SNED1: variants seen among roughly 807,000 people sequenced by gnomAD.
The protein encoded by SNED1 is sushi, nidogen and EGF like domains 1.
A neutral mutation model predicts 166.7 loss-of-function variants in SNED1; 81 were observed. The ratio of observed to expected loss-of-function variants is 0.49; its 90% confidence interval spans 0.41 to 0.58. SNED1 has a LOEUF of 0.58. SNED1 is among the 20% of genes least tolerant of loss of function. SNED1 has a pLI of 0.00. For missense variants in SNED1, 1,604 were observed against 2,000.2 expected (o/e 0.80, Z 3.78); for synonymous variants, 762 against 822.0 (o/e 0.93, Z 1.25).
chr2:241,000,723 C>T lies in SNED1; in HGVS notation c.213+1673C>T, dbSNP rs117522413. Among the ~76,000 whole-genome samples, 673 of 152,342 alleles carry T rather than the reference C, an allele frequency of 4.4e-3. 20 individuals carry two copies. The highest frequency in any genetic ancestry group is 0.021 in the East Asian group (107 of 5,184). Reference sequence around the variant, plus strand: ...AGATCTGCTAGGAGAACTAGGGTTTCGTCAGAAATGAACCTTCTGGCTGCT... The same window carrying T: ...AGATCTGCTAGGAGAACTAGGGTTTTGTCAGAAATGAACCTTCTGGCTGCT... On this transcript the variant is annotated intron_variant, in intron 1 of 31. Coordinates refer to ENST00000310397, the MANE Select transcript of SNED1 (RefSeq NM_001080437.3).
At chr2:241,089,317 C>T (rs1217478395) in intron 31 of SNED1, 1 of 1,550,244 alleles carries the variant, frequency 6.5e-7, no homozygotes, top group African/African-American at 1.4e-5. Flanking sequence ...GAGTGAGGCA[C>T]CCTTGGGTAA....
At chr2:241,037,014 G>C in intron 5 of SNED1, 99 bp downstream of exon 5, 2 of 1,420,792 alleles carry the variant, frequency 1.4e-6, no homozygotes, top group Non-Finnish European at 1.9e-6. Flanking sequence ...CAGGGTCCCA[G>C]GTCAGGAGTC....
chr2:241,052,333 G>A, intron 14 of SNED1, 22 bp from the exon 15 acceptor site: 1 of 1,558,328 alleles, frequency 6.4e-7, no homozygotes, highest in Non-Finnish European at 8.7e-7. Flanking sequence ...ACAGTGGCCA[G>A]GACCTTCCTG....
chr2:241,051,859 C>T lies in SNED1; in HGVS notation c.1851C>T (p.Ile617=), dbSNP rs1369924520. The T allele has an allele frequency of 2.6e-6, 4 of 1,536,898 alleles. No individual in the cohort carries two copies. The highest frequency in any genetic ancestry group is 4.8e-5 in the East Asian group (2 of 41,458). The part of the protein sequence containing the change: ...PYRFTGRHCE[I]GKPDSCASGP... ...GCTTCACTGGGAGGCACTGTGAGATCGGTGCGGCCCCCAGGGGCAGGGGGG... is the reference window on the plus strand; with the variant it reads ...GCTTCACTGGGAGGCACTGTGAGATTGGTGCGGCCCCCAGGGGCAGGGGGG... The change falls in exon 13 of 32, where the codon ATC becomes ATT. Residue 617 remains isoleucine, a splice_region_variant and synonymous_variant. Transcript: ENST00000310397. The surrounding 1 kb of genome is among the most constrained non-coding windows in gnomAD (Gnocchi z 4.7).
At chr2:241,011,067 A>AGGTCTCCTG (rs1303248639) in intron 1 of SNED1, among the ~76,000 whole-genome samples, 4 of 150,160 alleles carry the variant, frequency 2.7e-5, no homozygotes, top group Admixed American at 6.6e-5. Context: ...TGGGGGTGGC[A>AGGTCTCCTG]GGTCTCCTGG....
chr2:241,063,251 C>G, intron 17 of SNED1: 1 of 483,288 alleles, frequency 2.1e-6, no homozygotes. Context: ...CACTCTTGTA[C>G]CTCGCTAGGG....
chr2:241,034,721 G>A lies in SNED1; in HGVS notation c.796G>A (p.Gly266Ser), dbSNP rs541477246. The change falls in exon 4 of 32, where the codon GGC becomes AGC. Residue 266 changes from glycine to serine, a missense_variant. Gly to Ser is a moderately conservative substitution (Grantham distance 56). Coordinates refer to ENST00000310397, the MANE Select transcript of SNED1 (RefSeq NM_001080437.3). ...DDAQVRVGGCGHTTSVCLALR... is the reference protein window; with the variant it reads ...DDAQVRVGGCSHTTSVCLALR... ...TGCCCAGGTGCGCGTGGGGGGCTGCGGCCATACAAGTAAGAGGACAGAGGA... is the reference window on the plus strand; with the variant it reads ...TGCCCAGGTGCGCGTGGGGGGCTGCAGCCATACAAGTAAGAGGACAGAGGA... 160 of 1,565,798 alleles carry A rather than the reference G, an allele frequency of 1.0e-4. No homozygotes were observed. The highest frequency in any genetic ancestry group is 8.4e-4 in the Middle Eastern group (5 of 5,966).
At chr2:241,031,124 C>G (rs766058734) in intron 2 of SNED1, among the ~76,000 whole-genome samples, 1 of 152,106 alleles carries the variant, frequency 6.6e-6, no homozygotes, top group Non-Finnish European at 1.5e-5. Flanking sequence ...GCGCTGGGTG[C>G]AGAACCGCCA....
chr2:241,010,412 G>C (rs1044071670), intron 1 of SNED1: 1 of 152,344 alleles, frequency 6.6e-6, no homozygotes, highest in Non-Finnish European at 1.5e-5. Context: ...GCCAGCAGAG[G>C]GTCAGCCCCG....
chr2:240,999,014 CT>C lies in SNED1; in HGVS notation c.179del (p.Phe60SerfsTer13). 1 of 1,325,178 alleles carries C rather than the reference CT, an allele frequency of 7.5e-7. No homozygotes were observed. The allele number at this position is 1,325,178 out of a possible 1,614,324, so 82.1% of individuals were successfully genotyped here. On this transcript the variant is annotated frameshift_variant, in exon 1 of 32. Transcript: ENST00000310397. LOFTEE classifies it high-confidence loss of function. The surrounding 1 kb of genome is among the most constrained non-coding windows in gnomAD (Gnocchi z 5.8). ...GSGLRPLSVP[F>X]PFFGAEHSGL... ...CGGGGCTGCGGCCGCTCTCGGTGCCCTTCCCGTTCTTCGGTGCCGAGCACTC... is the reference window on the plus strand; with the variant it reads ...CGGGGCTGCGGCCGCTCTCGGTGCCCTCCCGTTCTTCGGTGCCGAGCACTC...
At chr2:241,035,372 CACGTGGTTTGTGGGA>C (rs1284129366) in intron 4 of SNED1, among the ~76,000 whole-genome samples, 3 of 152,122 alleles carry the variant, frequency 2.0e-5, no homozygotes, top group Non-Finnish European at 4.4e-5. Flanking sequence ...CAGGGGTGGG[CACGTGGTTTGTGGGA>C]ACAGCCAGGG....
At chr2:241,047,724 C>G (rs2061690313) in intron 8 of SNED1, among the ~76,000 whole-genome samples, 1 of 152,254 alleles carries the variant, frequency 6.6e-6, no homozygotes, top group South Asian at 2.1e-4. Context: ...TCTGGTCCTT[C>G]TTGTTCTGTC....
Position 241,040,350 on chromosome 2 carries a change from G to T in SNED1, c.1210G>T (p.Asp404Tyr). ...CTGCCTGAATGGAGGCTCTTGTGTT[G>T]ACCTAGTGGGGAATTACACCTGCTT... ...DPCLNGGSCV[D>Y]LVGNYTCLCA... is the part of the protein sequence containing the mutation. Residue 404 changes from aspartate to tyrosine, a missense_variant, in exon 8 of 32, where the codon GAC becomes TAC. Around this residue, in one of 2 missense-constraint regions of SNED1, gnomAD observed 1,237 missense variants for 1,620.8 expected, o/e 0.76. Coordinates refer to ENST00000310397, the MANE Select transcript of SNED1 (RefSeq NM_001080437.3). 2 of 1,609,576 alleles carry T rather than the reference G, an allele frequency of 1.2e-6. No individual in the cohort carries two copies. Among genetic ancestry groups the T allele is most frequent in the African/African-American group, 1.3e-5 (1 of 74,962 alleles).
intron 20 of SNED1, 121 bp from the exon 21 acceptor site, chr2:241,065,178 C>A: frequency 9.6e-7 from 1 of 1,046,018 alleles, no homozygotes; most frequent in Non-Finnish European, 1.4e-6. Flanking sequence ...AAGAAGGACT[C>A]TGCCAGCGAT....
rs777252772 is a variant in SNED1 at position 241,071,600 on chromosome 2, G to A, written c.3614G>A (p.Arg1205His). ...ITSPRDGADR[R>H]WHQGGHHPRV... is the part of the protein sequence containing the mutation. ...GCCCCCAGGGATGGCGCTGACAGAC[G>A]CTGGCACCAGGGAGGACACCACCCT... Residue 1205 changes from arginine to histidine, a missense_variant, in exon 25 of 32, where the codon CGC becomes CAC. Coordinates refer to ENST00000310397, the MANE Select transcript of SNED1 (RefSeq NM_001080437.3). 2.4e-5 allele frequency: 38 copies of A among 1,587,996 alleles called. No individual in the cohort carries two copies. The highest frequency in any genetic ancestry group is 3.4e-5 in the South Asian group (3 of 88,034).
chr2:241,058,912 T>G (rs2062148077), intron 16 of SNED1, among the ~76,000 whole-genome samples: 1 of 151,354 alleles, frequency 6.6e-6, no homozygotes, highest in African/African-American at 2.4e-5. Context: ...ATCGCACCAC[T>G]GCACTCCAGC....
Position 241,073,360 on chromosome 2 carries a change from C to G in SNED1, c.3912C>G (p.Ile1304Met), listed in dbSNP as rs200193178. 2 of 1,567,096 alleles carry G rather than the reference C, an allele frequency of 1.3e-6. No individual in the cohort carries two copies. ...LQLPEHGSKD[I>M]GNVPGNCSEN... ...TCCCTGAACACGGCAGCAAGGACAT[C>G]GGAAGTGAGTCAGCAGCGCTGGTGG... Residue 1304 changes from isoleucine to methionine, a missense_variant, in exon 27 of 32, where the codon ATC becomes ATG. Physicochemically the swap from Ile to Met is conservative, Grantham distance 10. This residue lies in a region of SNED1 where 367 missense variants were observed against 379.4 expected (regional missense o/e 0.97). Coordinates refer to ENST00000310397, the MANE Select transcript of SNED1 (RefSeq NM_001080437.3). The surrounding 1 kb of genome is among the most constrained non-coding windows in gnomAD (Gnocchi z 6.6).
chr2:241,045,719 A>AG (rs2061628585), intron 8 of SNED1, among the ~76,000 whole-genome samples: 1 of 151,942 alleles, frequency 6.6e-6, no homozygotes, highest in Admixed American at 6.5e-5. Flanking sequence ...TAGGCAAAAA[A>AG]AAAAAAAATT....
At chr2:241,029,726 G>A (rs146414807) in intron 1 of SNED1, among the ~76,000 whole-genome samples, 10 of 152,342 alleles carry the variant, frequency 6.6e-5, no homozygotes, top group African/African-American at 2.4e-4. Context: ...GGGGCTCCCC[G>A]CTGCCTGGAG....
Sources: allele counts gnomAD v4.1 joint callset (sites outside exome capture counted in the v4.1 genomes callset), GRCh38; gene constraint gnomAD v4.1.1; regional missense constraint gnomAD v4.1.1; non-coding constraint Gnocchi (gnomAD v3.1); transcripts MANE v1.5; gene names NCBI Gene and HGNC (gene_info 2026-07-23, HGNC 2026-07-21).